KCNMA1: variants seen among roughly 807,000 people sequenced by gnomAD.
KCNMA1 encodes Calcium-activated potassium channel subunit alpha-1.
Under a neutral mutation model 140.0 loss-of-function variants are expected in KCNMA1, and 29 were observed. That is an observed-to-expected ratio of 0.21 (90% confidence interval 0.15 to 0.28). KCNMA1 has a LOEUF of 0.28. Ranked by LOEUF, KCNMA1 falls within the 10% of genes least tolerant of loss-of-function variation. The pLI, the probability that KCNMA1 is intolerant of heterozygous loss-of-function variation, is 1.00. For synonymous variants in KCNMA1, 612 were observed against 611.9 expected, an observed-to-expected ratio of 1.00 and a Z score of 0.00; for missense variants, 880 against 1,602.2, an observed-to-expected ratio of 0.55 and a Z score of 7.70.
At chr10:77,241,489 T>C (rs2057264602) in intron 3 of KCNMA1, among the ~76,000 whole-genome samples, 1 of 7,832 alleles carries the variant, frequency 1.3e-4, no homozygotes, top group Admixed American at 2.1e-3. Flanking sequence ...TCTACAATAA[T>C]TTTTTTTAAT....
chr10:77,210,089 A>C (rs2045553435), intron 3 of KCNMA1, among the ~76,000 whole-genome samples: 1 of 152,176 alleles, frequency 6.6e-6, no homozygotes, highest in Non-Finnish European at 1.5e-5. Context: ...TTTATACCAG[A>C]AGATGGCAGA....
intron 3 of KCNMA1, among the ~76,000 whole-genome samples, chr10:77,223,311 T>C (rs911090744): frequency 2.6e-5 from 4 of 151,678 alleles, no homozygotes; most frequent in Non-Finnish European, 5.9e-5. Context: ...TGACACACAG[T>C]GTATTGGCTT....
chr10:77,317,784 G>C (rs2081274588), intron 2 of KCNMA1, among the ~76,000 whole-genome samples: 1 of 152,188 alleles, frequency 6.6e-6, no homozygotes. Context: ...TAAATTCGAG[G>C]TGATATTAAT....
At chr10:77,132,082 C>T (rs1448864530) in intron 5 of KCNMA1, among the ~76,000 whole-genome samples, 1 of 151,812 alleles carries the variant, frequency 6.6e-6, no homozygotes, top group Non-Finnish European at 1.5e-5. Flanking sequence ...GGCCAACTGA[C>T]CCTTAAGGAT....
chr10:77,341,428 C>T (rs546772007), intron 2 of KCNMA1, among the ~76,000 whole-genome samples: 10 of 152,292 alleles, frequency 6.6e-5, no homozygotes, highest in African/African-American at 2.4e-4. Flanking sequence ...CTCCATCTCT[C>T]TGCATGTGTC....
intron 19 of KCNMA1, among the ~76,000 whole-genome samples, chr10:76,992,485 C>T (rs571458611): frequency 9.9e-5 from 15 of 152,238 alleles, no homozygotes; most frequent in South Asian, 2.1e-4. Flanking sequence ...GCAGATGTGG[C>T]GATGGAGGGT....
intron 19 of KCNMA1, among the ~76,000 whole-genome samples, chr10:76,989,461 C>A (rs1309264560): frequency 6.6e-6 from 1 of 152,038 alleles, no homozygotes; most frequent in East Asian, 1.9e-4. Flanking sequence ...GGACTTTTAG[C>A]CTTTCTCAAT....
At chr10:76,960,586 G>T in intron 20 of KCNMA1, among the ~76,000 whole-genome samples, 1 of 135,258 alleles carries the variant, frequency 7.4e-6, no homozygotes. Context: ...ATTCAACTTT[G>T]CTGTATTGCA....
At position 77,183,449 on chromosome 10, in the gene KCNMA1, C is replaced by T. The variant is rs2098818625; in HGVS notation, c.780G>A (p.Val260=). The T allele has an allele frequency of 1.2e-6, 2 of 1,613,836 alleles. No homozygotes were observed. The highest frequency in any genetic ancestry group is 1.7e-6 in the Non-Finnish European group (2 of 1,179,870). ...VDFFTVPPVF[V]SVYLNRSWLG... is the part of the protein sequence containing the mutation. Reference sequence around the variant, plus strand: ...GCCAACTTCTGTTTAAGTACACAGACACAAACACGGGGGGCACCGTGAAGA... The same window carrying T: ...GCCAACTTCTGTTTAAGTACACAGATACAAACACGGGGGGCACCGTGAAGA... Residue 260 remains valine, a synonymous_variant, in exon 5 of 28, where the codon GTG becomes GTA. Transcript: ENST00000286628.
At chr10:77,129,187 G>C (rs971459302) in intron 5 of KCNMA1, among the ~76,000 whole-genome samples, 1 of 152,156 alleles carries the variant, frequency 6.6e-6, no homozygotes, top group Non-Finnish European at 1.5e-5. Context: ...CTGTTTTGAT[G>C]TATTTATTTA....
chr10:76,941,448 C>A (rs2062373393), intron 23 of KCNMA1, among the ~76,000 whole-genome samples: 1 of 152,174 alleles, frequency 6.6e-6, no homozygotes, highest in Admixed American at 6.5e-5. Flanking sequence ...GGTCTGCAGC[C>A]AGAGGTGAGC....
At chr10:77,035,377 T>C (rs914729262) in intron 15 of KCNMA1, among the ~76,000 whole-genome samples, 1 of 152,214 alleles carries the variant, frequency 6.6e-6, no homozygotes, top group African/African-American at 2.4e-5. Flanking sequence ...TCAGCATCTC[T>C]ATTCCAGCTG....
chr10:77,068,182 G>T (rs1307020211), intron 14 of KCNMA1, among the ~76,000 whole-genome samples: 1 of 152,192 alleles, frequency 6.6e-6, no homozygotes, highest in Non-Finnish European at 1.5e-5. Flanking sequence ...ATAGTGACAA[G>T]TTTGGGTATG....
At position 76,953,782 on chromosome 10, in the gene KCNMA1, T is replaced by A; in HGVS notation, c.2484+19A>T. ...TGGGGCAGAAGCGGGCAACATCAGA[T>A]GCACAGTCCCTCACTCACCAGGATG... On this transcript the variant is annotated intron_variant, in intron 21 of 27. Coordinates refer to ENST00000286628, the MANE Select transcript of KCNMA1 (RefSeq NM_001161352.2). 6.2e-7 allele frequency: 1 copy of A among 1,613,924 alleles called. No individual in the cohort carries two copies.
chr10:77,480,494 T>C (rs2098369886), intron 1 of KCNMA1, among the ~76,000 whole-genome samples: 1 of 152,246 alleles, frequency 6.6e-6, no homozygotes. Flanking sequence ...CGTTTACTTT[T>C]ACTATCCTAT....
intron 2 of KCNMA1, among the ~76,000 whole-genome samples, chr10:77,401,995 G>A (rs569546963): frequency 6.6e-6 from 1 of 152,304 alleles, no homozygotes; most frequent in South Asian, 2.1e-4. Flanking sequence ...CCCAGAATTA[G>A]TGTTCAGTAA....
At chr10:77,590,128 TAC>T (rs1429154649) in intron 1 of KCNMA1, among the ~76,000 whole-genome samples, 2 of 152,196 alleles carry the variant, frequency 1.3e-5, no homozygotes, top group East Asian at 1.9e-4. Context: ...TTGAGCTAGA[TAC>T]AGAGTGCCGA....
At chr10:77,234,464 T>C (rs2054709500) in intron 3 of KCNMA1, among the ~76,000 whole-genome samples, 3 of 152,224 alleles carry the variant, frequency 2.0e-5, no homozygotes, top group Admixed American at 6.5e-5. Context: ...AGGCACATAA[T>C]AGCCATTCAA....
chr10:77,519,151 C>T (rs1316574578), intron 1 of KCNMA1, among the ~76,000 whole-genome samples: 1 of 152,266 alleles, frequency 6.6e-6, no homozygotes, highest in African/African-American at 2.4e-5. Flanking sequence ...GACACACTGG[C>T]TTCAGCCCGC....
Sources: gnomAD v4.1 joint callset for allele counts (sites outside exome capture counted in the v4.1 genomes callset) on GRCh38, gnomAD v4.1.1 for gene constraint, MANE v1.5 for transcripts, NCBI Gene and HGNC (gene_info 2026-07-23, HGNC 2026-07-21) for gene names.